The following PRKN variants were observed in gnomAD, a reference collection of about 807,000 sequenced individuals.
PRKN encodes the protein parkin RBR E3 ubiquitin protein ligase.
A neutral mutation model predicts 59.5 loss-of-function variants in PRKN; 56 were observed. The observed-to-expected ratio is 0.94, with a 90% confidence interval of 0.76 to 1.18. The LOEUF is 1.18. Ranked by LOEUF, PRKN falls within the 50% of genes most tolerant of loss-of-function variation. The pLI is 0.00. For missense variants in PRKN, 657 were observed against 596.4 expected (o/e 1.10, Z -1.06); for synonymous variants, 250 against 222.1 (o/e 1.13, Z -1.12).
At chr6:162,690,006 G>A (rs1050837244) in intron 1 of PRKN, among the ~76,000 whole-genome samples, 1 of 151,898 alleles carries the variant, frequency 6.6e-6, no homozygotes, top group African/African-American at 2.4e-5. Context: ...GATGTATTAT[G>A]TCCTCTAAAT....
intron 4 of PRKN, among the ~76,000 whole-genome samples, chr6:162,195,563 A>T (rs1014746815): frequency 6.6e-6 from 1 of 152,234 alleles, no homozygotes; most frequent in African/African-American, 2.4e-5. Context: ...CAGGCACTTT[A>T]CATCTTACTC....
intron 6 of PRKN, among the ~76,000 whole-genome samples, chr6:161,830,549 G>A (rs1276573058): frequency 2.0e-5 from 3 of 152,084 alleles, no homozygotes; most frequent in Non-Finnish European, 2.9e-5. Flanking sequence ...CCCGCACCCG[G>A]CCCGCCTTTG....
At position 161,723,268 on chromosome 6, in the gene PRKN, C is replaced by CA. The variant is rs922966591; in HGVS notation, c.871+62503dup. Among the ~76,000 whole-genome samples the CA allele has an allele frequency of 9.7e-3, 1,226 of 126,604 alleles. 4 individuals are homozygous for CA. The highest frequency in any genetic ancestry group is 0.016 in the African/African-American group (548 of 34,330). The allele number at this position is 126,604 out of a possible 152,430, so 83.1% of individuals were successfully genotyped here. A position where few individuals can be genotyped will look rare whatever the true frequency, so the allele number is the denominator to read the frequency against. Reference sequence around the variant, plus strand: ...TGGGCAACAGAGCAAGACTCCCTCTCAAAAAAAAAAAAAAGTGCATGTCTA... The same window carrying CA: ...TGGGCAACAGAGCAAGACTCCCTCTCAAAAAAAAAAAAAAAGTGCATGTCTA... On this transcript the variant is annotated intron_variant, in intron 7 of 11. Transcript: ENST00000366898.
chr6:162,419,886 C>CTTA (rs1349665321), intron 2 of PRKN, among the ~76,000 whole-genome samples: 1 of 151,890 alleles, frequency 6.6e-6, no homozygotes, highest in Non-Finnish European at 1.5e-5. Context: ...GAAATGATTA[C>CTTA]TTACTATCCT....
intron 2 of PRKN, among the ~76,000 whole-genome samples, chr6:162,415,212 C>T (rs1223821764): frequency 6.6e-6 from 1 of 152,038 alleles, no homozygotes; most frequent in Admixed American, 6.6e-5. Context: ...AAATAGCCAA[C>T]TGGGGAAAGT....
intron 9 of PRKN, among the ~76,000 whole-genome samples, chr6:161,476,165 C>G (rs995337096): frequency 6.7e-6 from 1 of 149,674 alleles, no homozygotes; most frequent in Non-Finnish European, 1.5e-5. Context: ...CCAACCTGGG[C>G]GACAGAGTGA....
chr6:161,651,607 C>A (rs1054184499), intron 7 of PRKN, among the ~76,000 whole-genome samples: 3 of 152,180 alleles, frequency 2.0e-5, no homozygotes, highest in East Asian at 1.9e-4. Flanking sequence ...GCCTAACCCA[C>A]CGCCCTATCC....
chr6:161,824,567 G>A (rs1325008042), intron 6 of PRKN, among the ~76,000 whole-genome samples: 19 of 152,040 alleles, frequency 1.2e-4, no homozygotes. Flanking sequence ...TTACTGTATC[G>A]GAAACATCTC....
At chr6:161,960,438 T>G (rs1224620639) in intron 6 of PRKN, among the ~76,000 whole-genome samples, 1 of 152,170 alleles carries the variant, frequency 6.6e-6, no homozygotes, top group Non-Finnish European at 1.5e-5. Context: ...AGAAACTTCT[T>G]TAGCTGTTGG....
chr6:161,988,055 G>A (rs373706925), intron 5 of PRKN, among the ~76,000 whole-genome samples: 13 of 152,176 alleles, frequency 8.5e-5, no homozygotes, highest in African/African-American at 3.1e-4. Context: ...GGCACAGTTT[G>A]TGTGTGAGGG....
At chr6:162,487,057 G>A (rs2128183834) in intron 1 of PRKN, among the ~76,000 whole-genome samples, 1 of 151,940 alleles carries the variant, frequency 6.6e-6, no homozygotes, top group Non-Finnish European at 1.5e-5. Flanking sequence ...GCAATAGAGT[G>A]AGACTCTAGT....
chr6:162,424,384 T>A (rs1789120555), intron 2 of PRKN, among the ~76,000 whole-genome samples: 2 of 152,112 alleles, frequency 1.3e-5, no homozygotes, highest in South Asian at 4.1e-4. Context: ...TGAACCCTAA[T>A]GTAGAGGACT....
intron 5 of PRKN, among the ~76,000 whole-genome samples, chr6:162,027,937 T>A (rs1438881896): frequency 6.6e-6 from 1 of 151,820 alleles, no homozygotes; most frequent in African/African-American, 2.4e-5. Context: ...GTGGTTTATA[T>A]TCATACTAGA....
intron 1 of PRKN, among the ~76,000 whole-genome samples, chr6:162,591,185 CAAACACAGCTAGGA>C (rs1781291465): frequency 2.6e-5 from 4 of 151,874 alleles, no homozygotes; most frequent in Admixed American, 2.6e-4. Flanking sequence ...CAGAGGTAGG[CAAACACAGCTAGGA>C]ATACACAGGC....
chr6:162,027,612 C>CA (rs1019434042), intron 5 of PRKN, among the ~76,000 whole-genome samples: 1 of 152,126 alleles, frequency 6.6e-6, no homozygotes, highest in Non-Finnish European at 1.5e-5. Context: ...CTGACTATGC[C>CA]AGGTGAAGTT....
intron 4 of PRKN, among the ~76,000 whole-genome samples, chr6:162,077,697 A>G (rs577409021): frequency 6.6e-6 from 1 of 152,086 alleles, no homozygotes; most frequent in South Asian, 2.1e-4. Context: ...GTTTTCTTTA[A>G]AATGTTTATT....
intron 7 of PRKN, among the ~76,000 whole-genome samples, chr6:161,607,286 T>A (rs1013048957): frequency 1.2e-4 from 18 of 152,222 alleles, no homozygotes; most frequent in East Asian, 3.9e-4. Flanking sequence ...TCAGTTTTTT[T>A]AAAATGCTTT....
intron 1 of PRKN, among the ~76,000 whole-genome samples, chr6:162,685,018 A>G (rs1779916236): frequency 6.6e-6 from 1 of 152,184 alleles, no homozygotes; most frequent in Non-Finnish European, 1.5e-5. Flanking sequence ...TATTGCATCT[A>G]CTGTATTAAG....
intron 6 of PRKN, among the ~76,000 whole-genome samples, chr6:161,814,374 T>C (rs954722292): frequency 6.6e-6 from 1 of 152,226 alleles, no homozygotes; most frequent in Non-Finnish European, 1.5e-5. Flanking sequence ...TCGTCCATTC[T>C]CATGTTGCTA....
Sources: allele counts gnomAD v4.1 joint callset (sites outside exome capture counted in the v4.1 genomes callset), GRCh38; gene constraint gnomAD v4.1.1; transcripts MANE v1.5; gene names NCBI Gene and HGNC (gene_info 2026-07-23, HGNC 2026-07-21).